The following PPARGC1A variants were observed in gnomAD, a reference collection of about 807,000 sequenced individuals.
PPARGC1A encodes the protein peroxisome proliferator-activated receptor gamma coactivator 1-alpha.
A neutral mutation model predicts 88.7 loss-of-function variants in PPARGC1A; 25 were observed. The observed-to-expected ratio is 0.28, with a 90% CI of 0.21 to 0.39. The LOEUF (loss-of-function observed/expected upper bound fraction) is 0.39. Ranked by LOEUF, PPARGC1A falls within the 10% of genes least tolerant of loss-of-function variation. The pLI is 1.00. For missense variants in PPARGC1A, 880 were observed against 968.7 expected, an observed-to-expected ratio of 0.91 and a Z score of 1.22; for synonymous variants, 363 against 355.6, an observed-to-expected ratio of 1.02 and a Z score of -0.24.
chr4:23,818,951 T>C (rs1206782576), intron 7 of PPARGC1A, among the ~76,000 whole-genome samples: 1 of 150,150 alleles, frequency 6.7e-6, no homozygotes, highest in Admixed American at 6.7e-5. Context: ...TTTGCATATG[T>C]TGCATGCCAA....
At chr4:24,019,724 C>T in the PPARGC1A span, among the ~76,000 whole-genome samples, 2 of 152,198 alleles carry the variant, frequency 1.3e-5, no homozygotes, top group Admixed American at 1.3e-4. Flanking sequence ...AGACCTGGGA[C>T]TCAAATTGAA....
the PPARGC1A span, among the ~76,000 whole-genome samples, chr4:24,329,900 GGAGT>G: frequency 6.6e-6 from 1 of 152,100 alleles, no homozygotes; most frequent in Non-Finnish European, 1.5e-5. Flanking sequence ...CACAAACTAG[GGAGT>G]GAGTATTCTC....
the PPARGC1A span, among the ~76,000 whole-genome samples, chr4:24,316,302 C>T: frequency 6.6e-6 from 1 of 152,226 alleles, no homozygotes; most frequent in Non-Finnish European, 1.5e-5. Context: ...TGACTAGCCA[C>T]AGCTCACAAG....
At chr4:23,832,890 G>A (rs1315203864) in intron 2 of PPARGC1A, among the ~76,000 whole-genome samples, 7 of 140,950 alleles carry the variant, frequency 5.0e-5, no homozygotes, top group African/African-American at 1.8e-4. Flanking sequence ...GATTACCGGC[G>A]TGAGCTACTG....
chr4:24,051,201 A>AAC, the PPARGC1A span, among the ~76,000 whole-genome samples: 2 of 150,936 alleles, frequency 1.3e-5, no homozygotes, highest in South Asian at 2.1e-4. Context: ...AAAAAAAAAA[A>AAC]AAAAAAAAAA....
At chr4:24,005,779 CA>C in the PPARGC1A span, among the ~76,000 whole-genome samples, 13 of 144,202 alleles carry the variant, frequency 9.0e-5, no homozygotes, top group African/African-American at 7.6e-5. Flanking sequence ...TGTTGATTGG[CA>C]AAAAAAAAAG....
the PPARGC1A span, among the ~76,000 whole-genome samples, chr4:24,407,594 A>G: frequency 6.6e-6 from 1 of 152,198 alleles, no homozygotes; most frequent in Admixed American, 6.5e-5. Context: ...CCTCCCATTG[A>G]CCTTGCTCTC....
chr4:24,078,104 A>ATT, the PPARGC1A span, among the ~76,000 whole-genome samples: 5 of 150,154 alleles, frequency 3.3e-5, no homozygotes, highest in African/African-American at 9.7e-5. Flanking sequence ...GTTTCCTCAA[A>ATT]TTTTTTTTTT....
At chr4:24,005,738 C>T in the PPARGC1A span, among the ~76,000 whole-genome samples, 1 of 151,910 alleles carries the variant, frequency 6.6e-6, no homozygotes, top group East Asian at 1.9e-4. Context: ...CAGAGGACAT[C>T]ACTTGGGCAT....
the PPARGC1A span, among the ~76,000 whole-genome samples, chr4:24,408,348 A>T: frequency 2.0e-5 from 3 of 150,900 alleles, no homozygotes; most frequent in East Asian, 3.9e-4. Flanking sequence ...TCATTTTGAT[A>T]CTGCTTTGAA....
chr4:24,049,009 A>G, the PPARGC1A span, among the ~76,000 whole-genome samples: 1 of 151,926 alleles, frequency 6.6e-6, no homozygotes, highest in Non-Finnish European at 1.5e-5. Context: ...CCATATGCTT[A>G]TTATGAGAAC....
the PPARGC1A span, among the ~76,000 whole-genome samples, chr4:23,926,571 C>T: frequency 1.3e-5 from 2 of 152,190 alleles, no homozygotes; most frequent in African/African-American, 4.8e-5. Context: ...TCTGAGCTGG[C>T]CCCTGCCCTG....
the PPARGC1A span, among the ~76,000 whole-genome samples, chr4:24,148,942 G>T: frequency 6.6e-6 from 1 of 152,298 alleles, no homozygotes; most frequent in East Asian, 1.9e-4. Flanking sequence ...ACATGTGTTT[G>T]ATTTATCTGT....
At chr4:24,007,409 T>C in the PPARGC1A span, among the ~76,000 whole-genome samples, 2 of 152,228 alleles carry the variant, frequency 1.3e-5, no homozygotes, top group Admixed American at 6.5e-5. Context: ...GATAGAAATA[T>C]ATTGATTGAA....
chr4:24,093,030 C>T, the PPARGC1A span, among the ~76,000 whole-genome samples: 1 of 152,212 alleles, frequency 6.6e-6, no homozygotes, highest in Non-Finnish European at 1.5e-5. Context: ...CTAACAGTTA[C>T]TGAGCATGGA....
chr4:24,059,547 G>C, the PPARGC1A span, among the ~76,000 whole-genome samples: 1 of 152,158 alleles, frequency 6.6e-6, no homozygotes, highest in Admixed American at 6.5e-5. Flanking sequence ...TAGCCAAGGA[G>C]GAACAGCCAC....
chr4:24,169,030 C>A, the PPARGC1A span, among the ~76,000 whole-genome samples: 2 of 152,100 alleles, frequency 1.3e-5, no homozygotes, highest in African/African-American at 4.8e-5. Flanking sequence ...ACAAACACTG[C>A]CTCAGCCATA....
intron 2 of PPARGC1A, among the ~76,000 whole-genome samples, chr4:23,868,381 A>T (rs1446325184): frequency 2.0e-5 from 3 of 152,032 alleles, no homozygotes; most frequent in Non-Finnish European, 2.9e-5. Context: ...CAGATCTTGG[A>T]TATGTCTTAT....
At chr4:24,225,645 T>C in the PPARGC1A span, among the ~76,000 whole-genome samples, 3 of 151,590 alleles carry the variant, frequency 2.0e-5, no homozygotes, top group African/African-American at 7.3e-5. Flanking sequence ...GGATTGCCTA[T>C]GGTATGTGCT....
Sources: gnomAD v4.1 joint callset for allele counts (sites outside exome capture counted in the v4.1 genomes callset) on GRCh38, gnomAD v4.1.1 for gene constraint, MANE v1.5 for transcripts, NCBI Gene and HGNC (gene_info 2026-07-23, HGNC 2026-07-21) for gene names.